Variants in SNCAIP observed in about 807,000 individuals in gnomAD.
SNCAIP encodes synphilin-1.
In SNCAIP, 43 loss-of-function variants were observed where a neutral mutation model predicts 86.7. The ratio of observed to expected loss-of-function variants is 0.50; its 90% CI spans 0.39 to 0.64. SNCAIP has a LOEUF of 0.64. Ranked by LOEUF, SNCAIP falls within the 30% of genes least tolerant of loss-of-function variation. The probability of loss-of-function intolerance (pLI) is 0.00; values close to 1 mark genes in which losing one functional copy is unlikely to be tolerated. For synonymous variants in SNCAIP, 417 were observed against 427.2 expected, an observed-to-expected ratio of 0.98 and a Z score of 0.29; for missense variants, 981 against 1,103.1, an observed-to-expected ratio of 0.89 and a Z score of 1.57.
chr5:122,386,613 T>C (rs895989405), intron 1 of SNCAIP, among the ~76,000 whole-genome samples: 1 of 152,104 alleles, frequency 6.6e-6, no homozygotes, highest in African/African-American at 2.4e-5. Context: ...TGTGGGCACA[T>C]CCAAAGAAGG....
intron 1 of SNCAIP, among the ~76,000 whole-genome samples, chr5:122,373,371 T>C (rs1244569168): frequency 6.6e-6 from 1 of 152,134 alleles, no homozygotes; most frequent in East Asian, 1.9e-4. Context: ...GTTAGGGTGA[T>C]ATCAGTTGAT....
At chr5:122,411,449 A>G (rs1313260840) in intron 3 of SNCAIP, among the ~76,000 whole-genome samples, 1 of 152,138 alleles carries the variant, frequency 6.6e-6, no homozygotes, top group Non-Finnish European at 1.5e-5. Context: ...ACAGCACCCC[A>G]GTTCTTCCTG....
intron 1 of SNCAIP, among the ~76,000 whole-genome samples, chr5:122,347,364 T>C (rs1199632492): frequency 6.6e-6 from 1 of 151,786 alleles, no homozygotes; most frequent in Non-Finnish European, 1.5e-5. Flanking sequence ...TTTTGACCGG[T>C]TGTAGGAGTG....
At chr5:122,386,665 C>T (rs572362577) in intron 1 of SNCAIP, among the ~76,000 whole-genome samples, 1 of 152,222 alleles carries the variant, frequency 6.6e-6, no homozygotes, top group East Asian at 1.9e-4. Flanking sequence ...GCATATAGTT[C>T]TCAGCAGCCG....
intron 1 of SNCAIP, among the ~76,000 whole-genome samples, chr5:122,328,829 C>T (rs1754668495): frequency 6.6e-6 from 1 of 152,170 alleles, no homozygotes; most frequent in African/African-American, 2.4e-5. Context: ...TCATGGGACC[C>T]ATGGCCAGTC....
chr5:122,378,869 T>C (rs1281808471), intron 1 of SNCAIP, among the ~76,000 whole-genome samples: 1 of 146,180 alleles, frequency 6.8e-6, no homozygotes, highest in Non-Finnish European at 1.5e-5. Context: ...GCGTTATTTC[T>C]GAGGGCTCTG....
chr5:122,357,617 CT>C (rs1159553477), intron 1 of SNCAIP, among the ~76,000 whole-genome samples: 3,374 of 140,112 alleles, frequency 0.024, 52 homozygotes, highest in Middle Eastern at 0.086. Flanking sequence ...GACAAGCCTT[CT>C]TTTTTTTTTT....
rs1760054528 is a variant in SNCAIP, at chr5:122,352,459, A to G, written c.-46-38630A>G. Among the ~76,000 whole-genome samples, 3 of 152,210 alleles carry G rather than the reference A, an allele frequency of 2.0e-5. No homozygotes were observed. The South Asian group carries it at 6.2e-4, about 32-fold the overall frequency. On this transcript the variant is annotated intron_variant, in intron 1 of 10. Coordinates refer to ENST00000261368, the MANE Select transcript of SNCAIP (RefSeq NM_005460.4). ...CTTTTACTGAAGTACAAATGTGCTTAGTATGAACCTTTTGAAAAGAATCAG... is the reference window on the plus strand; with the variant it reads ...CTTTTACTGAAGTACAAATGTGCTTGGTATGAACCTTTTGAAAAGAATCAG...
In SNCAIP at chr5:122,350,798, A is replaced by G. The variant is rs113734323; in HGVS notation, c.-47+38514A>G. Among the ~76,000 whole-genome samples the G allele has an allele frequency of 6.6e-5, 10 of 152,344 alleles. 2 individuals are homozygous for G. The highest frequency in any genetic ancestry group is 2.4e-4 in the African/African-American group (10 of 41,580). ...GTTGGGCCTCAAATGGGAAGATGGA[A>G]TGAAAGAAAGGTACAGAGAGATCAG... On this transcript the variant is annotated intron_variant, in intron 1 of 10. Transcript: ENST00000261368.
At chr5:122,459,892 C>A (rs1321061674) in intron 10 of SNCAIP, among the ~76,000 whole-genome samples, 2 of 152,142 alleles carry the variant, frequency 1.3e-5, no homozygotes, top group African/African-American at 4.8e-5. Flanking sequence ...ATCGACCATT[C>A]ACTTTTCCTT....
chr5:122,419,223 G>C (rs1359115916), intron 3 of SNCAIP, among the ~76,000 whole-genome samples: 2 of 152,118 alleles, frequency 1.3e-5, no homozygotes, highest in East Asian at 3.9e-4. Flanking sequence ...GGAGGGAGTG[G>C]GCAAAGGTGG....
chr5:122,357,304 C>T (rs986416224), intron 1 of SNCAIP, among the ~76,000 whole-genome samples: 1 of 151,996 alleles, frequency 6.6e-6, no homozygotes, highest in Non-Finnish European at 1.5e-5. Flanking sequence ...GGCGTGATCT[C>T]GGCTCACTAC....
At chr5:122,449,681 T>G (rs1783301567) in intron 8 of SNCAIP, among the ~76,000 whole-genome samples, 164 bp from the exon 9 acceptor site, 2 of 152,250 alleles carry the variant, frequency 1.3e-5, no homozygotes, top group African/African-American at 2.4e-5. Context: ...TTTGATTGTT[T>G]CCTTAGGAAA....
At chr5:122,416,120 G>A (rs1775264780) in intron 3 of SNCAIP, among the ~76,000 whole-genome samples, 1 of 152,130 alleles carries the variant, frequency 6.6e-6, no homozygotes, top group Admixed American at 6.6e-5. Context: ...AGGGTAGTAG[G>A]GCTTGAGTAT....
At chr5:122,453,096 T>C in intron 10 of SNCAIP, 1 of 694,476 alleles carries the variant, frequency 1.4e-6, no homozygotes, top group African/African-American at 1.8e-5. Context: ...CATCAGGGGA[T>C]AACACCAAGG....
intron 8 of SNCAIP, 159 bp downstream of exon 8, chr5:122,444,891 C>T (rs753510785): frequency 4.9e-5 from 35 of 711,660 alleles, no homozygotes; most frequent in Non-Finnish European, 3.8e-5. Flanking sequence ...TCACAGCCAG[C>T]GTTCGTGCTG....
Position 122,423,673 on chromosome 5 carries a change from G to GAGT in SNCAIP, c.937_939dup (p.Ser313dup). ...CCAGCTCCCAAGGCCCAGAAGAAAGGAGTGAGTATCTGAAAAAAGTGAAAA... is the reference window on the plus strand; with the variant it reads ...CCAGCTCCCAAGGCCCAGAAGAAAGGAGTAGTGAGTATCTGAAAAAAGTGAAAA... On this transcript the variant is annotated inframe_insertion, in exon 4 of 11. Coordinates refer to ENST00000261368, the MANE Select transcript of SNCAIP (RefSeq NM_005460.4). The GAGT allele has an allele frequency of 2.5e-6, 4 of 1,609,664 alleles. No homozygotes were observed. The highest frequency in any genetic ancestry group is 3.4e-6 in the Non-Finnish European group (4 of 1,179,878).
intron 1 of SNCAIP, among the ~76,000 whole-genome samples, chr5:122,326,938 C>CTACG (rs1491185291): frequency 2.0e-4 from 30 of 146,780 alleles, no homozygotes; most frequent in Non-Finnish European, 3.0e-5. Context: ...ACTTTCTCAA[C>CTACG]TATGTATGTA....
At chr5:122,383,030 C>T (rs1159000985) in intron 1 of SNCAIP, among the ~76,000 whole-genome samples, 2 of 152,238 alleles carry the variant, frequency 1.3e-5, no homozygotes, top group African/African-American at 4.8e-5. Flanking sequence ...GTGGAGTCTA[C>T]AGAGGCAGGC....
Sources: gnomAD v4.1 joint callset for allele counts (sites outside exome capture counted in the v4.1 genomes callset) on GRCh38, gnomAD v4.1.1 for gene constraint, MANE v1.5 for transcripts, NCBI Gene and HGNC (gene_info 2026-07-23, HGNC 2026-07-21) for gene names.